Variants in DGKD observed in about 807,000 individuals in gnomAD.
DGKD encodes DAG kinase delta.
DGKD carries 68 observed loss-of-function variants against 154.4 expected under a neutral mutation model. The observed-to-expected ratio is 0.44, with a 90% CI of 0.36 to 0.54. DGKD has a LOEUF of 0.54. DGKD is among the 20% of genes least tolerant of loss of function. The probability of loss-of-function intolerance (pLI) is 0.00; values close to 1 mark genes in which losing one functional copy is unlikely to be tolerated. For synonymous variants in DGKD, 693 were observed against 638.0 expected, an observed-to-expected ratio of 1.09 and a Z score of -1.30; for missense variants, 1,343 against 1,593.6, an observed-to-expected ratio of 0.84 and a Z score of 2.68.
rs751644113 is a variant in DGKD at position 233,446,727 on chromosome 2, A to G, written c.1350A>G (p.Ala450=). ...GTGTGTGCAGGTGGAGCGTCATGGC[A>G]TACGAGGCCAAGCTCCCCCGGCAGG... is the stretch of plus-strand genomic sequence containing the variant. The part of the protein sequence containing the change: ...TKMLDRWSVM[A]YEAKLPRQAS... Residue 450 remains alanine, a synonymous_variant, in exon 12 of 30, where the codon GCA becomes GCG. Coordinates refer to ENST00000264057, the MANE Select transcript of DGKD (RefSeq NM_152879.3). The G allele has an allele frequency of 6.2e-7, 1 of 1,614,000 alleles. No homozygotes were observed. Among genetic ancestry groups the G allele is most frequent in the South Asian group, 1.1e-5 (1 of 91,082 alleles).
At chr2:233,391,844 GTTGA>G (rs1209429268) in intron 3 of DGKD, among the ~76,000 whole-genome samples, 4 of 152,168 alleles carry the variant, frequency 2.6e-5, no homozygotes, top group African/African-American at 4.8e-5. Flanking sequence ...CTTATTTTGT[GTTGA>G]TTAACTGCTC....
intron 5 of DGKD, among the ~76,000 whole-genome samples, 166 bp from the exon 6 acceptor site, chr2:233,435,652 C>T (rs989929495): frequency 5.3e-5 from 8 of 152,160 alleles, no homozygotes; most frequent in Admixed American, 4.6e-4. Context: ...CCGGTCCCAC[C>T]GCCATCAGCC....
chr2:233,439,141 G>C (rs2062808511), intron 9 of DGKD, among the ~76,000 whole-genome samples: 1 of 152,242 alleles, frequency 6.6e-6, no homozygotes, highest in Admixed American at 6.5e-5. Flanking sequence ...TCCTCTGGAA[G>C]CATCAGTTCC....
At chr2:233,444,838 C>T (rs1004351501) in intron 10 of DGKD, among the ~76,000 whole-genome samples, 8 of 146,578 alleles carry the variant, frequency 5.5e-5, no homozygotes, top group Non-Finnish European at 1.2e-4. Context: ...GGCAGGTTTC[C>T]TGCCTCAAGG....
chr2:233,467,809 G>A (rs2063870830), intron 28 of DGKD, among the ~76,000 whole-genome samples: 1 of 152,230 alleles, frequency 6.6e-6, no homozygotes, highest in African/African-American at 2.4e-5. Flanking sequence ...TTTGCCGCCA[G>A]TCAGGGCAGC....
intron 3 of DGKD, among the ~76,000 whole-genome samples, chr2:233,428,026 G>A (rs1448310004): frequency 1.3e-5 from 2 of 152,184 alleles, no homozygotes; most frequent in East Asian, 3.9e-4. Flanking sequence ...AATAGGAAGT[G>A]CTGCTCAGAA....
At chr2:233,398,313 T>G (rs943478973) in intron 3 of DGKD, among the ~76,000 whole-genome samples, 5 of 151,668 alleles carry the variant, frequency 3.3e-5, no homozygotes, top group South Asian at 4.2e-4. Flanking sequence ...GACTAATTTT[T>G]TTTTTGTATT....
In DGKD at chr2:233,460,136, G is replaced by A. The variant is rs976756734; in HGVS notation, c.2830-58G>A. 25 of 1,594,334 alleles carry A rather than the reference G, an allele frequency of 1.6e-5. No individual in the cohort carries two copies. In the African/African-American group the frequency reaches 3.1e-4, roughly 20 times the overall value. On this transcript the variant is annotated intron_variant, in intron 23 of 29. Coordinates refer to ENST00000264057, the MANE Select transcript of DGKD (RefSeq NM_152879.3). ...TCTCGTTGGCATCCCCATAGTGTCTGTCGCAGTCAGATGCATGCTTCAGAG... is the reference window on the plus strand; with the variant it reads ...TCTCGTTGGCATCCCCATAGTGTCTATCGCAGTCAGATGCATGCTTCAGAG...
At chr2:233,444,271 C>A (rs2062992752) in intron 10 of DGKD, among the ~76,000 whole-genome samples, 1 of 152,130 alleles carries the variant, frequency 6.6e-6, no homozygotes, top group African/African-American at 2.4e-5. Flanking sequence ...TCTCTTCCTC[C>A]TGCCTGTTTC....
In DGKD at chr2:233,441,157, A is replaced by G. The variant is rs928828058; in HGVS notation, c.1086-730A>G. ...CTGGATGTGGTCACACAGGAAGAGG[A>G]TGAGGAGTGAGCAGAAGCGGCACTG... On this transcript the variant is annotated intron_variant, in intron 9 of 29. Transcript: ENST00000264057. This position sits in a 1 kb window ranked among gnomAD's most constrained non-coding sequence, Gnocchi z 5.6. Among the ~76,000 whole-genome samples the G allele has an allele frequency of 7.2e-6, 1 of 139,508 alleles. No homozygotes were observed. The highest frequency in any genetic ancestry group is 7.6e-5 in the Admixed American group (1 of 13,114). The allele number at this position is 139,508 out of a possible 152,430, so 91.5% of individuals were successfully genotyped here. A position where few individuals can be genotyped will look rare whatever the true frequency, so the allele number is the denominator to read the frequency against.
intron 24 of DGKD, among the ~76,000 whole-genome samples, chr2:233,461,673 C>A (rs1380413030): frequency 6.6e-6 from 1 of 152,240 alleles, no homozygotes; most frequent in African/African-American, 2.4e-5. Flanking sequence ...CATGGTGGCC[C>A]CTCTGGCCTG....
chr2:233,419,606 G>A (rs1216848362), intron 3 of DGKD, among the ~76,000 whole-genome samples: 2 of 152,208 alleles, frequency 1.3e-5, no homozygotes, highest in East Asian at 1.9e-4. Flanking sequence ...GCTTTGTGGT[G>A]TGACTTTACT....
chr2:233,456,077 C>T (rs2063451029), intron 19 of DGKD, among the ~76,000 whole-genome samples: 1 of 152,220 alleles, frequency 6.6e-6, no homozygotes, highest in African/African-American at 2.4e-5. Flanking sequence ...GAACCCTGGT[C>T]AAACCTCTCT....
chr2:233,462,451 A>G lies in DGKD; in HGVS notation c.3085A>G (p.Thr1029Ala). The change falls in exon 25 of 30, where the codon ACC becomes GCC. Residue 1029 changes from threonine (T) to alanine (A), a missense_variant. Thr to Ala is a moderately conservative substitution (Grantham distance 58). Transcript: ENST00000264057. ...SMDRVYGKPR[T>A]TEGLNCSFVL... ...GGACCGTGTGTATGGCAAGCCCAGA[A>G]CCACAGAGGTAGCTATTCTGGCCTT... The G allele has an allele frequency of 1.3e-6, 2 of 1,595,642 alleles. No individual in the cohort carries two copies. Among genetic ancestry groups the G allele is most frequent in the African/African-American group, 1.3e-5 (1 of 74,736 alleles).
chr2:233,442,632 A>G, intron 10 of DGKD: 1 of 169,884 alleles, frequency 5.9e-6, no homozygotes, highest in South Asian at 1.4e-4. Context: ...TTTGAGGTGG[A>G]GTCTTGCTCT....
At chr2:233,355,684 T>C (rs1701504764) in intron 1 of DGKD, among the ~76,000 whole-genome samples, 1 of 152,240 alleles carries the variant, frequency 6.6e-6, no homozygotes, top group Non-Finnish European at 1.5e-5. Context: ...GCTCCAGTTA[T>C]TCAGCAAATA....
Position 233,354,561 on chromosome 2 carries a change from C to A in DGKD, c.43C>A (p.Pro15Thr). Residue 15 changes from proline (P) to threonine (T), a missense_variant, in exon 1 of 30, where the codon CCG becomes ACG. This residue lies in a region of DGKD where 57 missense variants were observed against 27.8 expected (regional missense o/e 2.05). Transcript: ENST00000264057. The surrounding 1 kb of genome is among the most constrained non-coding windows in gnomAD (Gnocchi z 4.8). ...AGAPPPGPPQ[P>T]PPPPPPEESS... ...CGCCCCTCCGCCGGGTCCCCCGCAACCGCCTCCGCCGCCGCCGCCCGAGGA... is the reference window on the plus strand; with the variant it reads ...CGCCCCTCCGCCGGGTCCCCCGCAAACGCCTCCGCCGCCGCCGCCCGAGGA... 1 of 1,052,574 alleles carries A rather than the reference C, an allele frequency of 9.5e-7. No individual in the cohort carries two copies. Among genetic ancestry groups the A allele is most frequent in the Non-Finnish European group, 1.2e-6 (1 of 866,834 alleles). 65.2% of individuals were successfully genotyped at this position (1,052,574 alleles called of 1,614,324 possible). A position where few individuals can be genotyped will look rare whatever the true frequency, so the allele number is the denominator to read the frequency against.
chr2:233,417,189 C>T (rs998524665), intron 3 of DGKD, among the ~76,000 whole-genome samples: 5 of 152,098 alleles, frequency 3.3e-5, no homozygotes, highest in Non-Finnish European at 7.4e-5. Context: ...CCCGCCACCA[C>T]GCCTGGCTAA....
intron 1 of DGKD, among the ~76,000 whole-genome samples, chr2:233,382,967 A>G (rs1702976339): frequency 6.6e-6 from 1 of 151,176 alleles, no homozygotes; most frequent in African/African-American, 2.4e-5. Context: ...GCCGGTTCAC[A>G]CTTTTTACCT....
Sources: gnomAD v4.1 joint callset for allele counts (sites outside exome capture counted in the v4.1 genomes callset) on GRCh38, gnomAD v4.1.1 for gene constraint, gnomAD v4.1.1 regional missense constraint, Gnocchi (gnomAD v3.1) non-coding constraint, MANE v1.5 for transcripts, NCBI Gene and HGNC (gene_info 2026-07-23, HGNC 2026-07-21) for gene names.